Variants in FER1L6 observed in about 807,000 individuals in gnomAD.
FER1L6 encodes the protein fer-1-like protein 6.
A neutral mutation model predicts 219.2 loss-of-function variants in FER1L6; 177 were observed. The observed-to-expected ratio is 0.81, with a 90% CI of 0.71 to 0.91. FER1L6 has a LOEUF of 0.91. FER1L6 is among the 40% of genes least tolerant of loss of function. The pLI is 0.00. For synonymous variants in FER1L6, 768 were observed against 824.3 expected, an observed-to-expected ratio of 0.93 and a Z score of 1.17; for missense variants, 2,153 against 2,259.9, an observed-to-expected ratio of 0.95 and a Z score of 0.96.
At chr8:124,037,206 G>A (rs1454742881) in intron 19 of FER1L6, among the ~76,000 whole-genome samples, 1 of 152,230 alleles carries the variant, frequency 6.6e-6, no homozygotes, top group African/African-American at 2.4e-5. Context: ...CTGCCATTGG[G>A]AGGTCTGCTA....
rs971434179 is a variant in FER1L6 at position 123,954,619 on chromosome 8, T to G, written c.-7-1373T>G. Among the ~76,000 whole-genome samples the G allele has an allele frequency of 8.5e-5, 13 of 152,246 alleles. No homozygotes were observed. The East Asian group carries it at 2.1e-3, about 25-fold the overall frequency. On this transcript the variant is annotated intron_variant, in intron 1 of 40. Transcript: ENST00000522917. ...TGTTCCAGGTACGGTGCTAAATACT[T>G]TCCATTTATTATCTCATTTCACACA...
In FER1L6 at chr8:123,980,785, G is replaced by GT; in HGVS notation, c.1385dup (p.Glu463GlyfsTer15). ...CAAAACTAACTCAACCGAGGTGGAG[G>GT]TGGAATCGTTCGATGTCCCCCCGGA... is the stretch of plus-strand genomic sequence containing the variant. On this transcript the variant is annotated frameshift_variant, in exon 11 of 41. Coordinates refer to ENST00000522917, the MANE Select transcript of FER1L6 (RefSeq NM_001039112.2). LOFTEE classifies it high-confidence loss of function. The GT allele has an allele frequency of 6.2e-7, 1 of 1,614,026 alleles. No individual in the cohort carries two copies. The highest frequency in any genetic ancestry group is 8.5e-7 in the Non-Finnish European group (1 of 1,179,970).
At chr8:124,025,977 C>T (rs1355650578) in intron 18 of FER1L6, among the ~76,000 whole-genome samples, 2 of 152,110 alleles carry the variant, frequency 1.3e-5, no homozygotes, top group East Asian at 3.8e-4. Context: ...AAGGACAGAA[C>T]AGCTAGTTCA....
intron 32 of FER1L6, among the ~76,000 whole-genome samples, chr8:124,078,687 G>C (rs1821395058): frequency 2.1e-5 from 1 of 47,862 alleles, no homozygotes; most frequent in Non-Finnish European, 4.6e-5. Context: ...GTCCTGTGAA[G>C]ACCCTGGGAA....
chr8:124,017,889 T>C (rs1818271189), intron 16 of FER1L6, among the ~76,000 whole-genome samples, 171 bp downstream of exon 16: 1 of 152,232 alleles, frequency 6.6e-6, no homozygotes, highest in African/African-American at 2.4e-5. Flanking sequence ...TGAACATTTA[T>C]TGAAGGTTTA....
chr8:124,062,076 A>G (rs747109658), intron 25 of FER1L6, 44 bp downstream of exon 25: 8 of 1,601,184 alleles, frequency 5.0e-6, no homozygotes, highest in African/African-American at 1.3e-5. Context: ...CTATAAAGTC[A>G]TGGTGCCTGC....
intron 5 of FER1L6, among the ~76,000 whole-genome samples, chr8:123,969,255 T>C (rs973816556): frequency 6.6e-6 from 1 of 152,184 alleles, no homozygotes; most frequent in African/African-American, 2.4e-5. Context: ...CAAAATTCAA[T>C]CATGTTCTTA....
At position 123,879,280 on chromosome 8, in the gene FER1L6, G is replaced by T. The variant is rs919278619; in HGVS notation, c.-8+27095G>T. 2.5e-4 allele frequency among the ~76,000 whole-genome samples: 38 copies of T among 151,994 alleles called. 1 individual carries two copies. The highest frequency in any genetic ancestry group is 8.7e-4 in the African/African-American group (36 of 41,374). The stretch of plus-strand genomic sequence containing the variant: ...ATTGTGCCACTGCACTCCAGCTTGG[G>T]CAACAAAGCAAAACCCTTTCTCAAA... On this transcript the variant is annotated intron_variant, in intron 1 of 40. Coordinates refer to ENST00000522917, the MANE Select transcript of FER1L6 (RefSeq NM_001039112.2).
intron 18 of FER1L6, among the ~76,000 whole-genome samples, chr8:124,028,951 T>C (rs28678572): frequency 0.29 from 44,591 of 151,956 alleles, 6,681 homozygotes; most frequent in Admixed American, 0.33. Flanking sequence ...CCCCATCCCC[T>C]GACAGGCCCC....
Position 123,980,478 on chromosome 8 carries a change from C to A in FER1L6, c.1077C>A (p.Thr359=). 1.9e-6 allele frequency: 3 copies of A among 1,612,618 alleles called. No individual in the cohort carries two copies. Among genetic ancestry groups the A allele is most frequent in the Non-Finnish European group, 2.5e-6 (3 of 1,179,178 alleles). Residue 359 remains threonine (T), a synonymous_variant, in exon 11 of 41, where the codon ACC becomes ACA. Transcript: ENST00000522917. ...GGGTCTCTCTAGGCTTTCTGCCCAC[C>A]TTTGGGCCTGCCTGGATTAACCTGT... ...EQDGDKGFLP[T]FGPAWINLYG... is the part of the protein sequence containing the mutation.
intron 1 of FER1L6, among the ~76,000 whole-genome samples, chr8:123,898,547 C>A (rs13260693): frequency 6.6e-6 from 1 of 150,752 alleles, no homozygotes; most frequent in African/African-American, 2.4e-5. Context: ...TTTTCCATTC[C>A]TGAGTTACTT....
intron 17 of FER1L6, 139 bp from the exon 18 acceptor site, chr8:124,023,305 C>A: frequency 1.2e-6 from 1 of 802,460 alleles, no homozygotes; most frequent in South Asian, 1.9e-5. Context: ...TGTTTCAGTG[C>A]CTAGATGGTG....
chr8:123,871,718 T>G (rs1311244053), intron 1 of FER1L6, among the ~76,000 whole-genome samples: 1 of 152,216 alleles, frequency 6.6e-6, no homozygotes, highest in African/African-American at 2.4e-5. Flanking sequence ...GAGTGAAGTG[T>G]GCACAGTGGC....
At chr8:123,931,854 C>A (rs530457027) in intron 1 of FER1L6, among the ~76,000 whole-genome samples, 1 of 152,216 alleles carries the variant, frequency 6.6e-6, no homozygotes, top group South Asian at 2.1e-4. Flanking sequence ...GGGGTATAAG[C>A]CATAATTTTA....
chr8:124,096,018 G>GA lies in FER1L6; in HGVS notation c.4695+984dup, dbSNP rs1235064815. Among the ~76,000 whole-genome samples, 6 of 152,198 alleles carry GA rather than the reference G, an allele frequency of 3.9e-5. No homozygotes were observed. The East Asian group carries it at 7.7e-4, about 20-fold the overall frequency. On this transcript the variant is annotated intron_variant, in intron 35 of 40. Transcript: ENST00000522917. ...TCTGGACTCACTCACTGTGTGAGGGGAAAATCATGTGAGTTTGATTATAAT... is the reference window on the plus strand; with the variant it reads ...TCTGGACTCACTCACTGTGTGAGGGGAAAAATCATGTGAGTTTGATTATAAT...
At chr8:123,989,565 T>C (rs185114741) in intron 12 of FER1L6, among the ~76,000 whole-genome samples, 21 of 152,274 alleles carry the variant, frequency 1.4e-4, no homozygotes, top group African/African-American at 4.8e-4. Flanking sequence ...TGTCCTCTCA[T>C]ACCTCTTCCT....
intron 1 of FER1L6, among the ~76,000 whole-genome samples, chr8:123,936,204 A>C (rs1224288390): frequency 6.6e-6 from 1 of 152,154 alleles, no homozygotes; most frequent in Non-Finnish European, 1.5e-5. Context: ...ACGCTTTTAA[A>C]TTGCTCTGAA....
At chr8:123,882,981 G>C (rs1817136565) in intron 1 of FER1L6, among the ~76,000 whole-genome samples, 1 of 152,144 alleles carries the variant, frequency 6.6e-6, no homozygotes, top group African/African-American at 2.4e-5. Flanking sequence ...CATGTGTGGG[G>C]GTTGGGGGTG....
chr8:124,035,489 G>T (rs1239837051), intron 19 of FER1L6, 35 bp downstream of exon 19: 2 of 1,577,518 alleles, frequency 1.3e-6, no homozygotes, highest in African/African-American at 2.7e-5. Context: ...GGTCATTCGA[G>T]GTCTCAGGTG....
Sources: gnomAD v4.1 joint callset for allele counts (sites outside exome capture counted in the v4.1 genomes callset) on GRCh38, gnomAD v4.1.1 for gene constraint, MANE v1.5 for transcripts, NCBI Gene and HGNC (gene_info 2026-07-23, HGNC 2026-07-21) for gene names.